The following PTPRK variants were observed in gnomAD, a reference collection of about 807,000 sequenced individuals.
The protein encoded by PTPRK is receptor-type tyrosine-protein phosphatase kappa.
In PTPRK, 75 loss-of-function variants were observed where a neutral mutation model predicts 178.0. The observed-to-expected ratio is 0.42, with a 90% confidence interval of 0.35 to 0.51. PTPRK has a LOEUF of 0.51. Among genes scored for constraint, PTPRK ranks in the 20% least tolerant of loss-of-function variants. The pLI, the probability that PTPRK is intolerant of heterozygous loss-of-function variation, is 0.02. For synonymous variants in PTPRK, 637 were observed against 620.6 expected, an observed-to-expected ratio of 1.03 and a Z score of -0.39; for missense variants, 1,441 against 1,797.8, an observed-to-expected ratio of 0.80 and a Z score of 3.59.
intron 1 of PTPRK, among the ~76,000 whole-genome samples, chr6:128,423,008 AAAG>A (rs1384080462): frequency 1.3e-5 from 2 of 152,238 alleles, no homozygotes; most frequent in African/African-American, 4.8e-5. Flanking sequence ...TCTGATTTAA[AAAG>A]AAGAAACTAT....
At chr6:128,320,533 C>T (rs763619872) in intron 3 of PTPRK, among the ~76,000 whole-genome samples, 1 of 152,140 alleles carries the variant, frequency 6.6e-6, no homozygotes, top group Non-Finnish European at 1.5e-5. Context: ...TACAGGCAAT[C>T]TGACTTCAAA....
chr6:128,139,961 C>T (rs185013767), intron 7 of PTPRK, among the ~76,000 whole-genome samples: 4 of 152,056 alleles, frequency 2.6e-5, no homozygotes, highest in African/African-American at 7.2e-5. Context: ...AGGGTGCCAA[C>T]AAATGCTGGG....
intron 1 of PTPRK, among the ~76,000 whole-genome samples, chr6:128,447,511 T>G (rs1258210417): frequency 1.3e-5 from 2 of 152,292 alleles, no homozygotes; most frequent in Middle Eastern, 6.8e-3. Flanking sequence ...AAATAATTAG[T>G]GGTCAGACCC....
chr6:128,349,837 A>C (rs1336792751), intron 2 of PTPRK, among the ~76,000 whole-genome samples: 1 of 152,124 alleles, frequency 6.6e-6, no homozygotes, highest in Non-Finnish European at 1.5e-5. Context: ...CCAACTGTGG[A>C]AACTCTTTAA....
At chr6:128,063,924 A>C (rs1422523929) in intron 13 of PTPRK, among the ~76,000 whole-genome samples, 1 of 152,172 alleles carries the variant, frequency 6.6e-6, no homozygotes, top group Non-Finnish European at 1.5e-5. Flanking sequence ...CAAATGAATC[A>C]ACTACTGGAC....
chr6:128,255,799 T>C (rs1056749086), intron 3 of PTPRK, among the ~76,000 whole-genome samples: 2 of 152,260 alleles, frequency 1.3e-5, no homozygotes, highest in Admixed American at 6.5e-5. Flanking sequence ...CAGGTGATAC[T>C]GATGCAGGCT....
At chr6:128,480,538 C>T (rs1851947095) in intron 1 of PTPRK, among the ~76,000 whole-genome samples, 2 of 152,130 alleles carry the variant, frequency 1.3e-5, no homozygotes, top group Admixed American at 6.6e-5. Context: ...GTCCTTATTC[C>T]TCACATATGA....
intron 16 of PTPRK, 138 bp from the exon 17 acceptor site, chr6:127,997,126 C>T (rs926554155): frequency 4.9e-6 from 4 of 815,752 alleles, no homozygotes; most frequent in Non-Finnish European, 7.7e-6. Flanking sequence ...AAGTTTCATT[C>T]TCAGACCTCA....
At chr6:128,310,158 T>G (rs1827024081) in intron 3 of PTPRK, among the ~76,000 whole-genome samples, 1 of 152,204 alleles carries the variant, frequency 6.6e-6, no homozygotes. Flanking sequence ...AAGTAGATTG[T>G]GCCTTCTTTC....
At chr6:128,211,179 G>T (rs1808089221) in intron 6 of PTPRK, among the ~76,000 whole-genome samples, 3 of 151,998 alleles carry the variant, frequency 2.0e-5, no homozygotes, top group Admixed American at 1.3e-4. Context: ...AGAGACTGTT[G>T]TATATTTATA....
At position 128,448,695 on chromosome 6, in the gene PTPRK, TTAAACTC is replaced by T. The variant is rs1847353206; in HGVS notation, c.101-51014_101-51008del. On this transcript the variant is annotated intron_variant, in intron 1 of 29. Transcript: ENST00000368226. Reference sequence around the variant, plus strand: ...AGAAATTATGAATACCATTTACAACTTAAACTCTAATCACTGACCAAGCCCAAAAAGT... The same window carrying T: ...AGAAATTATGAATACCATTTACAACTTAATCACTGACCAAGCCCAAAAAGT... 2.0e-5 allele frequency among the ~76,000 whole-genome samples: 3 copies of T among 152,100 alleles called. No homozygotes were observed. In the South Asian group the frequency reaches 6.2e-4, roughly 32 times the overall value.
chr6:128,429,498 T>A (rs1304504460), intron 1 of PTPRK, among the ~76,000 whole-genome samples: 1 of 152,144 alleles, frequency 6.6e-6, no homozygotes, highest in East Asian at 1.9e-4. Flanking sequence ...AAATAAAGAT[T>A]CATACTTCCT....
intron 3 of PTPRK, among the ~76,000 whole-genome samples, chr6:128,304,224 T>C (rs1826050898): frequency 1.3e-5 from 2 of 152,186 alleles, no homozygotes; most frequent in African/African-American, 4.8e-5. Flanking sequence ...AAACATAGCT[T>C]CTTTATGAGA....
chr6:128,265,501 C>T (rs1232393348), intron 3 of PTPRK, among the ~76,000 whole-genome samples: 1 of 152,028 alleles, frequency 6.6e-6, no homozygotes, highest in African/African-American at 2.4e-5. Flanking sequence ...GGCAATATTA[C>T]TGATGAAGAC....
intron 5 of PTPRK, chr6:128,238,074 A>C (rs939775338): frequency 2.2e-6 from 1 of 447,332 alleles, no homozygotes; most frequent in South Asian, 1.6e-5. Flanking sequence ...TGAAAAAGGT[A>C]AAATAGCTTT....
intron 6 of PTPRK, among the ~76,000 whole-genome samples, chr6:128,190,707 C>A (rs1803645078): frequency 6.6e-6 from 1 of 151,870 alleles, no homozygotes; most frequent in East Asian, 1.9e-4. Context: ...CCATGTTGGC[C>A]AGGCTGGTCT....
chr6:128,024,523 C>A (rs774472849), intron 13 of PTPRK, among the ~76,000 whole-genome samples: 1 of 151,974 alleles, frequency 6.6e-6, no homozygotes, highest in Non-Finnish European at 1.5e-5. Flanking sequence ...AAAATGAGAC[C>A]TATGGCCAGG....
At chr6:128,401,854 G>A (rs1841061812) in intron 1 of PTPRK, among the ~76,000 whole-genome samples, 1 of 152,158 alleles carries the variant, frequency 6.6e-6, no homozygotes, top group Non-Finnish European at 1.5e-5. Flanking sequence ...CCTTAGTAAA[G>A]CTGCTTGATG....
chr6:128,449,737 G>A (rs184687580), intron 1 of PTPRK, among the ~76,000 whole-genome samples: 133 of 152,126 alleles, frequency 8.7e-4, no homozygotes, highest in African/African-American at 2.7e-3. Flanking sequence ...TCACACTTAC[G>A]CTGTTTTTGC....
Sources: allele counts gnomAD v4.1 joint callset (sites outside exome capture counted in the v4.1 genomes callset), GRCh38; gene constraint gnomAD v4.1.1; transcripts MANE v1.5; gene names NCBI Gene and HGNC (gene_info 2026-07-23, HGNC 2026-07-21).